Variants in KCNIP4 observed in about 807,000 individuals in gnomAD.
KCNIP4 encodes the protein potassium voltage-gated channel interacting protein 4, also known as Kv channel-interacting protein 4.
KCNIP4 carries 12 observed loss-of-function variants against 34.0 expected under a neutral mutation model. The ratio of observed to expected loss-of-function variants is 0.35; its 90% CI spans 0.23 to 0.57. KCNIP4 has a LOEUF of 0.57. Among genes scored for constraint, KCNIP4 ranks in the 20% least tolerant of loss-of-function variants. The pLI is 0.83. For missense variants in KCNIP4, 238 were observed against 311.7 expected (o/e 0.76, Z 1.78); for synonymous variants, 124 against 102.2 (o/e 1.21, Z -1.29).
chr4:21,006,665 A>G (rs1401666003), intron 1 of KCNIP4, among the ~76,000 whole-genome samples: 1 of 152,246 alleles, frequency 6.6e-6, no homozygotes, highest in African/African-American at 2.4e-5. Flanking sequence ...TGAGTGTTTC[A>G]GAAGTAAAGA....
chr4:21,271,173 G>A (rs946504498), intron 1 of KCNIP4, among the ~76,000 whole-genome samples: 1 of 152,066 alleles, frequency 6.6e-6, no homozygotes, highest in Admixed American at 6.6e-5. Flanking sequence ...TTTTAATCTA[G>A]TCATATGATT....
At chr4:21,095,574 G>A (rs183239621) in intron 1 of KCNIP4, among the ~76,000 whole-genome samples, 13 of 152,114 alleles carry the variant, frequency 8.5e-5, no homozygotes, top group South Asian at 6.2e-4. Flanking sequence ...AATTAGACTC[G>A]TTTTGCAATA....
chr4:21,701,353 G>A (rs1712824995), intron 1 of KCNIP4, among the ~76,000 whole-genome samples: 1 of 152,156 alleles, frequency 6.6e-6, no homozygotes, highest in Non-Finnish European at 1.5e-5. Flanking sequence ...ACAACGCGAT[G>A]ACCACAGCTG....
In KCNIP4 at chr4:21,531,045, T is replaced by C. The variant is rs765544828; in HGVS notation, c.61+417526A>G. Among the ~76,000 whole-genome samples, 23 of 152,294 alleles carry C rather than the reference T, an allele frequency of 1.5e-4. 1 individual carries two copies. The highest frequency in any genetic ancestry group is 2.9e-4 in the Non-Finnish European group (20 of 68,024). On this transcript the variant is annotated intron_variant, in intron 1 of 8. Coordinates refer to ENST00000382152, the MANE Select transcript of KCNIP4 (RefSeq NM_025221.6). The stretch of plus-strand genomic sequence containing the variant: ...GGAACTGTAATCTTTAAAAGCTAAG[T>C]TGAGGGCTCAAGTCAAAACATTTCT...
intron 1 of KCNIP4, among the ~76,000 whole-genome samples, chr4:21,624,506 T>C (rs887205359): frequency 4.6e-5 from 7 of 152,262 alleles, no homozygotes; most frequent in Middle Eastern, 3.4e-3. Context: ...TATTTATCCA[T>C]ATATAATTTG....
chr4:21,784,752 C>T (rs1308393565), intron 1 of KCNIP4, among the ~76,000 whole-genome samples: 1 of 152,138 alleles, frequency 6.6e-6, no homozygotes, highest in Admixed American at 6.5e-5. Flanking sequence ...AAGAGTACAC[C>T]TCCTGGCTCC....
intron 1 of KCNIP4, among the ~76,000 whole-genome samples, chr4:20,920,987 A>T (rs1028773153): frequency 1.4e-4 from 22 of 152,246 alleles, no homozygotes; most frequent in Non-Finnish European, 2.6e-4. Flanking sequence ...ACTTCATCTC[A>T]AAAACAAAAA....
chr4:21,762,866 T>G, intron 1 of KCNIP4: 1 of 1,118,180 alleles, frequency 8.9e-7, no homozygotes, highest in Non-Finnish European at 1.2e-6. Context: ...GAAAGGAGAA[T>G]CCCAGAAGAT....
At chr4:20,976,910 T>G (rs945403276) in intron 1 of KCNIP4, among the ~76,000 whole-genome samples, 4 of 152,148 alleles carry the variant, frequency 2.6e-5, no homozygotes, top group African/African-American at 4.8e-5. Flanking sequence ...CTTGGATCAC[T>G]GTATCCTCCA....
chr4:21,110,829 C>T (rs774082109), intron 1 of KCNIP4, among the ~76,000 whole-genome samples: 5 of 152,156 alleles, frequency 3.3e-5, no homozygotes, highest in Admixed American at 2.6e-4. Context: ...CCTGAATCTT[C>T]GAGTGTCTCA....
chr4:21,267,833 G>A lies in KCNIP4; in HGVS notation c.62-385124C>T, dbSNP rs543765236. Among the ~76,000 whole-genome samples, 319 of 149,548 alleles carry A rather than the reference G, an allele frequency of 2.1e-3. 2 individuals carry two copies. The highest frequency in any genetic ancestry group is 7.1e-3 in the African/African-American group (288 of 40,646). ...CTCTTTTTTGGTTGTGTCTCTGCCC[G>A]GCTTTGGTATCAAGATGATGCTGGC... On this transcript the variant is annotated intron_variant, in intron 1 of 8. Coordinates refer to ENST00000382152, the MANE Select transcript of KCNIP4 (RefSeq NM_025221.6).
chr4:21,252,519 G>A (rs969083060), intron 1 of KCNIP4, among the ~76,000 whole-genome samples: 3 of 152,052 alleles, frequency 2.0e-5, no homozygotes, highest in African/African-American at 7.2e-5. Context: ...AATGTGATGA[G>A]AAAGTGAACC....
intron 1 of KCNIP4, among the ~76,000 whole-genome samples, chr4:21,102,143 T>C (rs1748002084): frequency 6.6e-6 from 1 of 152,194 alleles, no homozygotes; most frequent in African/African-American, 2.4e-5. Flanking sequence ...GTAGGTTTTT[T>C]AGTGATTCTC....
At chr4:21,689,475 T>A (rs1751082456) in intron 1 of KCNIP4, among the ~76,000 whole-genome samples, 1 of 144,118 alleles carries the variant, frequency 6.9e-6, no homozygotes, top group African/African-American at 2.8e-5. Context: ...AGGTTAGGAA[T>A]TAAAAGCTGG....
chr4:21,405,884 A>G (rs867114239), intron 1 of KCNIP4, among the ~76,000 whole-genome samples: 1 of 152,158 alleles, frequency 6.6e-6, no homozygotes, highest in Non-Finnish European at 1.5e-5. Context: ...TGCCCATGCT[A>G]GAGCGCAATG....
At chr4:21,217,374 G>T (rs1412091804) in intron 1 of KCNIP4, among the ~76,000 whole-genome samples, 1 of 152,056 alleles carries the variant, frequency 6.6e-6, no homozygotes, top group Admixed American at 6.5e-5. Flanking sequence ...ATGAGGGATT[G>T]GTGTTGGGAG....
chr4:21,503,674 C>A (rs1263800867), intron 1 of KCNIP4, among the ~76,000 whole-genome samples: 1 of 152,022 alleles, frequency 6.6e-6, no homozygotes, highest in Non-Finnish European at 1.5e-5. Flanking sequence ...CTTTTTAAAT[C>A]TTTTATAGCA....
At chr4:21,122,026 T>C (rs543867046) in intron 1 of KCNIP4, among the ~76,000 whole-genome samples, 1 of 152,212 alleles carries the variant, frequency 6.6e-6, no homozygotes, top group Non-Finnish European at 1.5e-5. Context: ...TCCTTCATCA[T>C]AAAGAGTTCA....
intron 1 of KCNIP4, among the ~76,000 whole-genome samples, chr4:21,648,546 C>T (rs1025589994): frequency 1.3e-5 from 2 of 152,134 alleles, no homozygotes; most frequent in Non-Finnish European, 2.9e-5. Flanking sequence ...ACCAGACACA[C>T]CTTCCACAGT....
Sources: allele counts gnomAD v4.1 joint callset (sites outside exome capture counted in the v4.1 genomes callset), GRCh38; gene constraint gnomAD v4.1.1; transcripts MANE v1.5; gene names NCBI Gene and HGNC (gene_info 2026-07-23, HGNC 2026-07-21).